TRPM6: variants seen among roughly 807,000 people sequenced by gnomAD.
TRPM6 encodes channel kinase 2.
TRPM6 carries 111 observed loss-of-function variants against 247.6 expected under a neutral mutation model. That is an observed-to-expected ratio of 0.45 (90% CI 0.38 to 0.52). The LOEUF (loss-of-function observed/expected upper bound fraction) is 0.52. Ranked by LOEUF, TRPM6 falls within the 20% of genes least tolerant of loss-of-function variation. TRPM6 has a pLI of 0.00. For synonymous variants in TRPM6, 892 were observed against 853.8 expected, an observed-to-expected ratio of 1.04 and a Z score of -0.78; for missense variants, 2,126 against 2,421.5, an observed-to-expected ratio of 0.88 and a Z score of 2.56.
chr9:74,884,887 C>T (rs1013133931), intron 1 of TRPM6, among the ~76,000 whole-genome samples: 1 of 152,104 alleles, frequency 6.6e-6, no homozygotes, highest in Non-Finnish European at 1.5e-5. Flanking sequence ...ATATAGGAAA[C>T]AGGAGCCAGC....
chr9:74,887,115 T>C, intron 1 of TRPM6: 1 of 580,690 alleles, frequency 1.7e-6, no homozygotes, highest in Non-Finnish European at 2.6e-6. Flanking sequence ...CCCCCAGAAC[T>C]TCCTGTTGCG....
Position 74,745,970 on chromosome 9 carries a change from C to T in TRPM6, c.5084-1825G>A, listed in dbSNP as rs557403222. Among the ~76,000 whole-genome samples, 33 of 152,252 alleles carry T rather than the reference C, an allele frequency of 2.2e-4. No homozygotes were observed. The South Asian group carries it at 2.9e-3, about 13-fold the overall frequency. ...TTAAAAATGGTATTATGGCCAGGCG[C>T]GGGGGCCCACGCCTGTAATCCCAAA... On this transcript the variant is annotated intron_variant, in intron 31 of 38. Coordinates refer to ENST00000360774, the MANE Select transcript of TRPM6 (RefSeq NM_017662.5).
chr9:74,748,063 T>C, intron 30 of TRPM6, 149 bp from the exon 31 acceptor site: 1 of 766,296 alleles, frequency 1.3e-6, no homozygotes, highest in Non-Finnish European at 2.2e-6. Context: ...TACTGCCTAA[T>C]GATGTTTTGG....
At chr9:74,728,811 G>A (rs1035860128) in intron 37 of TRPM6, among the ~76,000 whole-genome samples, 20 of 152,058 alleles carry the variant, frequency 1.3e-4, no homozygotes, top group African/African-American at 2.7e-4. Context: ...GAAAATAACC[G>A]TCCTCAAAAA....
At position 74,803,789 on chromosome 9, in the gene TRPM6, G is replaced by T. The variant is rs765356879; in HGVS notation, c.1731+5C>A. ...CTTTCAAGTTGAAAAACAAGTAAAT[G>T]GTACCTTGAATTTGTATGGCTGTGC... On this transcript the variant is annotated splice_donor_5th_base_variant and intron_variant, in intron 15 of 38. Transcript: ENST00000360774. 6.3e-6 allele frequency: 10 copies of T among 1,596,492 alleles called. No homozygotes were observed. The highest frequency in any genetic ancestry group is 1.7e-5 in the Admixed American group (1 of 59,988).
intron 1 of TRPM6, among the ~76,000 whole-genome samples, chr9:74,859,016 C>CAA (rs1365216475): frequency 1.3e-5 from 2 of 152,146 alleles, no homozygotes; most frequent in African/African-American, 4.8e-5. Flanking sequence ...AAACCCCTAG[C>CAA]AAGGAAGTAA....
chr9:74,752,279 C>A lies in TRPM6; in HGVS notation c.4996G>T (p.Glu1666Ter). The change falls in exon 29 of 39, where the codon GAG becomes TAG. Residue 1666 changes from glutamate (E) to a stop codon, truncating the protein, a stop_gained and splice_region_variant. Transcript: ENST00000360774. LOFTEE classifies it high-confidence loss of function. ...QISDYLKQSQ[E>*]DLSKNSLWNS... ...TTTAACTCCTAAAATATTTTTACCT[C>A]TTGAGACTGCTTTAGGTAATCACTG... is the stretch of plus-strand genomic sequence containing the variant. 1 of 1,571,270 alleles carries A rather than the reference C, an allele frequency of 6.4e-7. No homozygotes were observed. The highest frequency in any genetic ancestry group is 8.7e-7 in the Non-Finnish European group (1 of 1,145,342).
At chr9:74,829,129 C>A (rs1438845886) in intron 6 of TRPM6, among the ~76,000 whole-genome samples, 3 of 152,090 alleles carry the variant, frequency 2.0e-5, no homozygotes, top group South Asian at 2.1e-4. Flanking sequence ...CCTATCTCTA[C>A]CAAAAATACA....
chr9:74,796,995 C>G, intron 17 of TRPM6, 102 bp from the exon 18 acceptor site: 1 of 1,032,466 alleles, frequency 9.7e-7, no homozygotes. Context: ...AATGCCAGAC[C>G]CATCCCAGTC....
In TRPM6 at chr9:74,812,936, G is replaced by C. The variant is rs144115498; in HGVS notation, c.1309-503C>G. Among the ~76,000 whole-genome samples, 273 of 152,280 alleles carry C rather than the reference G, an allele frequency of 1.8e-3. 2 individuals are homozygous for C. Among genetic ancestry groups the C allele is most frequent in the African/African-American group, 6.4e-3 (264 of 41,564 alleles). ...AATAGTCTTACTAAGAAATGTGCAGGACTTAAGTGAAGACATCTTGAATAA... is the reference window on the plus strand; with the variant it reads ...AATAGTCTTACTAAGAAATGTGCAGCACTTAAGTGAAGACATCTTGAATAA... On this transcript the variant is annotated intron_variant, in intron 11 of 38. Coordinates refer to ENST00000360774, the MANE Select transcript of TRPM6 (RefSeq NM_017662.5).
chr9:74,851,282 T>C (rs1053636233), intron 3 of TRPM6, among the ~76,000 whole-genome samples: 2 of 151,364 alleles, frequency 1.3e-5, no homozygotes, highest in African/African-American at 4.9e-5. Context: ...AGGAGGGGGG[T>C]TAAAAAAAAT....
chr9:74,778,645 A>G lies in TRPM6; in HGVS notation c.3210-2569T>C, dbSNP rs558572681. 3.3e-5 allele frequency among the ~76,000 whole-genome samples: 5 copies of G among 152,268 alleles called. No individual in the cohort carries two copies. In the South Asian group the frequency reaches 1.0e-3, roughly 32 times the overall value. ...CTGCAGGTACCAGGAGCCCATACTT[A>G]TCACTTCTTTCAGTGGTGGCCAAGC... On this transcript the variant is annotated intron_variant, in intron 23 of 38. Transcript: ENST00000360774.
chr9:74,788,877 G>A lies in TRPM6; in HGVS notation c.2539-135C>T, dbSNP rs1827792459. ...GAACACAGAACTAGGACCACCTTCG[G>A]GTTATTGATGACCTACTATCAAGGA... On this transcript the variant is annotated intron_variant, in intron 19 of 38. Coordinates refer to ENST00000360774, the MANE Select transcript of TRPM6 (RefSeq NM_017662.5). 1.0e-5 allele frequency: 10 copies of A among 983,600 alleles called. No homozygotes were observed. In the East Asian group the frequency reaches 2.4e-4, roughly 23 times the overall value. The allele number at this position is 983,600 out of a possible 1,614,324, so 60.9% of individuals were successfully genotyped here.
At chr9:74,843,602 A>G (rs1204789945) in intron 3 of TRPM6, among the ~76,000 whole-genome samples, 2 of 151,760 alleles carry the variant, frequency 1.3e-5, no homozygotes, top group African/African-American at 2.4e-5. Flanking sequence ...AGGTCAGGAG[A>G]TCGAGACCAT....
rs909331792 is a variant in TRPM6, at chr9:74,724,662, G to A, written c.6020C>T (p.Pro2007Leu). The change falls in exon 39 of 39, where the codon CCA (proline) becomes CTA (leucine). Residue 2007 changes from proline (P) to leucine (L), a missense_variant. Coordinates refer to ENST00000360774, the MANE Select transcript of TRPM6 (RefSeq NM_017662.5). ...GGAATTTCTACCCGTCTCCCTTGCT[G>A]GAGGCTCCTCAGCTGATTCTATTTT... ...EIKIESAEEP[P>L]ARETGRNSPE... is the part of the protein sequence containing the mutation. 3 of 1,614,170 alleles carry A rather than the reference G, an allele frequency of 1.9e-6. No homozygotes were observed. The highest frequency in any genetic ancestry group is 1.7e-4 in the Middle Eastern group (1 of 6,058).
At chr9:74,814,648 A>G (rs1295038276) in intron 11 of TRPM6, among the ~76,000 whole-genome samples, 1 of 152,182 alleles carries the variant, frequency 6.6e-6, no homozygotes. Context: ...ACCAGAAAAG[A>G]AAAGCTTCAT....
At position 74,724,677 on chromosome 9, in the gene TRPM6, G is replaced by A. The variant is rs776185049; in HGVS notation, c.6005C>T (p.Ser2002Leu). 25 of 1,614,038 alleles carry A rather than the reference G, an allele frequency of 1.5e-5. No homozygotes were observed. The highest frequency in any genetic ancestry group is 2.1e-5 in the Non-Finnish European group (25 of 1,180,012). Reference protein sequence around the residue: ...STFGLEIKIESAEEPPARETG... With the variant: ...STFGLEIKIELAEEPPARETG... ...CTCCCTTGCTGGAGGCTCCTCAGCT[G>A]ATTCTATTTTTATCTCAAGTCCAAA... is the stretch of plus-strand genomic sequence containing the variant. The change falls in exon 39 of 39, where the codon TCA (serine) becomes TTA (leucine). Residue 2002 changes from serine to leucine, a missense_variant. Coordinates refer to ENST00000360774, the MANE Select transcript of TRPM6 (RefSeq NM_017662.5).
Position 74,722,800 on chromosome 9 carries a change from C to T in TRPM6, c.*1813G>A, listed in dbSNP as rs902751330. The T allele has an allele frequency of 5.3e-5, 8 of 152,212 alleles. No individual in the cohort carries two copies. The highest frequency in any genetic ancestry group is 8.8e-5 in the Non-Finnish European group (6 of 68,034). 9.4% of individuals were successfully genotyped at this position (152,212 alleles called of 1,614,324 possible). ...GGGGAATAAATTAGCCCTTGTGGAA[C>T]TCAAACTTACAAGAATCAGAGGCAA... On this transcript the variant is annotated 3_prime_UTR_variant, in exon 39 of 39. Transcript: ENST00000360774.
intron 7 of TRPM6, among the ~76,000 whole-genome samples, chr9:74,825,415 A>G (rs1829297900): frequency 6.6e-6 from 1 of 152,070 alleles, no homozygotes; most frequent in Non-Finnish European, 1.5e-5. Context: ...AGCTTGATAC[A>G]TAAGAATTTT....
Sources: allele counts gnomAD v4.1 joint callset (sites outside exome capture counted in the v4.1 genomes callset), GRCh38; gene constraint gnomAD v4.1.1; transcripts MANE v1.5; gene names NCBI Gene and HGNC (gene_info 2026-07-23, HGNC 2026-07-21).